Variants in ELF1 observed in about 807,000 individuals in gnomAD.
The protein encoded by ELF1 is ETS-related transcription factor Elf-1.
Under a neutral mutation model 59.9 loss-of-function variants are expected in ELF1, and 24 were observed. That is an observed-to-expected ratio of 0.40 (90% CI 0.29 to 0.56). The LOEUF (loss-of-function observed/expected upper bound fraction) is 0.56. Among genes scored for constraint, ELF1 ranks in the 20% least tolerant of loss-of-function variants. The pLI, the probability that ELF1 is intolerant of heterozygous loss-of-function variation, is 0.44. For missense variants in ELF1, 627 were observed against 742.2 expected (o/e 0.84, Z 1.80); for synonymous variants, 248 against 266.2 (o/e 0.93, Z 0.67).
intron 1 of ELF1, among the ~76,000 whole-genome samples, chr13:40,995,795 T>C (rs896145881): frequency 6.6e-6 from 1 of 152,112 alleles, no homozygotes; most frequent in Non-Finnish European, 1.5e-5. Flanking sequence ...AAAATCTAGA[T>C]GCATGTGGGT....
At chr13:41,053,763 C>G (rs769721226) in intron 1 of ELF1, among the ~76,000 whole-genome samples, 6 of 152,202 alleles carry the variant, frequency 3.9e-5, no homozygotes, top group Non-Finnish European at 8.8e-5. Context: ...ATTTCACAAT[C>G]ACCATTTTAT....
intron 1 of ELF1, among the ~76,000 whole-genome samples, chr13:40,991,003 C>A (rs952206318): frequency 1.3e-5 from 2 of 152,100 alleles, no homozygotes; most frequent in African/African-American, 4.8e-5. Flanking sequence ...ATGGCATATA[C>A]CTTTGATATC....
intron 2 of ELF1, among the ~76,000 whole-genome samples, chr13:40,981,351 G>A (rs563579724): frequency 6.6e-4 from 101 of 152,078 alleles, no homozygotes; most frequent in Admixed American, 3.6e-3. Context: ...TGTGTTGTGG[G>A]GAGGGGGGAA....
At chr13:41,041,812 G>C (rs1284062936) in intron 1 of ELF1, among the ~76,000 whole-genome samples, 1 of 152,130 alleles carries the variant, frequency 6.6e-6, no homozygotes, top group Non-Finnish European at 1.5e-5. Flanking sequence ...GTGGACTCAA[G>C]ATTCTCTATT....
At chr13:40,962,080 T>C (rs938107272) in intron 2 of ELF1, among the ~76,000 whole-genome samples, 3 of 152,242 alleles carry the variant, frequency 2.0e-5, no homozygotes, top group African/African-American at 4.8e-5. Flanking sequence ...CCTGTTCTAC[T>C]AACCAGTAGT....
intron 1 of ELF1, among the ~76,000 whole-genome samples, chr13:40,986,249 G>A (rs1281874878): frequency 6.6e-6 from 1 of 152,200 alleles, no homozygotes; most frequent in Non-Finnish European, 1.5e-5. Flanking sequence ...GACTGGACAA[G>A]TTACTTGCTT....
chr13:41,031,100 A>C (rs1217306312), intron 1 of ELF1, among the ~76,000 whole-genome samples: 2 of 151,856 alleles, frequency 1.3e-5, no homozygotes, highest in Non-Finnish European at 2.9e-5. Flanking sequence ...TTGAGGCTGC[A>C]GTAAGCCATA....
rs9566640 is a variant in ELF1, at chr13:40,972,135, T to C, written c.72+9848A>G. Among the ~76,000 whole-genome samples, 392 of 152,258 alleles carry C rather than the reference T, an allele frequency of 2.6e-3. 5 individuals carry two copies. In the East Asian group the frequency reaches 0.05, roughly 19 times the overall value. On this transcript the variant is annotated intron_variant, in intron 2 of 8. Coordinates refer to ENST00000239882, the MANE Select transcript of ELF1 (RefSeq NM_172373.4). Reference sequence around the variant, plus strand: ...ATTTCTGCTATGAAAAGATGGACTTTGACAAGAATCTTATACAATATGTAC... The same window carrying C: ...ATTTCTGCTATGAAAAGATGGACTTCGACAAGAATCTTATACAATATGTAC...
chr13:41,033,195 T>C (rs1040917686), intron 1 of ELF1, among the ~76,000 whole-genome samples: 16 of 152,220 alleles, frequency 1.1e-4, no homozygotes, highest in African/African-American at 3.9e-4. Context: ...TGTAGCCTCA[T>C]GATTAAGAAC....
At chr13:41,021,879 A>G (rs1416066702), upstream of ELF1, among the ~76,000 whole-genome samples, 1 of 152,226 alleles carries the variant, frequency 6.6e-6, no homozygotes, top group Non-Finnish European at 1.5e-5. Flanking sequence ...TGACACCACC[A>G]CAACAAAACA....
intron 1 of ELF1, among the ~76,000 whole-genome samples, chr13:41,017,945 G>T (rs879912480): frequency 4.6e-5 from 7 of 152,146 alleles, no homozygotes; most frequent in South Asian, 4.1e-4. Flanking sequence ...TAAAATGTCC[G>T]CTGTGTCTTT....
intron 6 of ELF1, 46 bp from the exon 7 acceptor site, chr13:40,943,190 A>C: frequency 2.8e-6 from 4 of 1,427,928 alleles, no homozygotes; most frequent in Non-Finnish European, 3.7e-6. Context: ...ATTTCATTTA[A>C]AAGAACCTCA....
exon 1 of ELF1, chr13:41,060,944 C>T (rs9566681): frequency 0.094 from 24,689 of 262,326 alleles, 2,676 homozygotes; most frequent in African/African-American, 0.28. Context: ...CCGCCGCCGC[C>T]GCTGCTGCTG....
At chr13:40,949,520 AT>A (rs1303601500) in intron 5 of ELF1, among the ~76,000 whole-genome samples, 4 of 151,350 alleles carry the variant, frequency 2.6e-5, no homozygotes, top group Admixed American at 2.6e-4. Flanking sequence ...TGCCCAGCTA[AT>A]TCTTAAAATT....
rs188724296 is a variant in ELF1, at chr13:41,040,119, C to T, written c.-229+20719G>A. Among the ~76,000 whole-genome samples the T allele has an allele frequency of 4.9e-3, 743 of 152,220 alleles. 22 individuals carry two copies. Among genetic ancestry groups the T allele is most frequent in the Admixed American group, 0.047 (717 of 15,286 alleles). On this transcript the variant is annotated intron_variant, in intron 1 of 1. Coordinates refer to the ELF1 transcript ENST00000405737. ...ACTTCACAACCAAAAGACTTTAATGCCTCTATCTTTTTATCTAGCAGTTTC... is the reference window on the plus strand; with the variant it reads ...ACTTCACAACCAAAAGACTTTAATGTCTCTATCTTTTTATCTAGCAGTTTC...
exon 1 of ELF1, chr13:41,060,908 T>TGCCGCCGCCGCCGCCGCCGCCGCC (rs1157339207): frequency 3.6e-6 from 1 of 275,332 alleles, no homozygotes; most frequent in Non-Finnish European, 6.8e-6. Context: ...CTACTGAAGC[T>TGCCGCCGCCGCCGCCGCCGCCGCC]GCTGCTGCCG....
At chr13:41,010,512 C>T (rs78095126) in intron 1 of ELF1, among the ~76,000 whole-genome samples, 12,863 of 129,948 alleles carry the variant, frequency 0.099, 715 homozygotes, top group Middle Eastern at 0.17. Flanking sequence ...TGTGTGTGTG[C>T]ACACTTTCCT....
intron 1 of ELF1, among the ~76,000 whole-genome samples, chr13:41,042,830 G>C (rs1459502434): frequency 2.6e-5 from 4 of 152,188 alleles, no homozygotes; most frequent in Non-Finnish European, 5.9e-5. Flanking sequence ...ACCCTGTAAT[G>C]GGATGGCTGG....
intron 1 of ELF1, among the ~76,000 whole-genome samples, chr13:41,051,247 A>G (rs1449509338): frequency 6.6e-6 from 1 of 151,858 alleles, no homozygotes; most frequent in Non-Finnish European, 1.5e-5. Flanking sequence ...AGGCATTCCC[A>G]CTCATATCTG....
Sources: allele counts gnomAD v4.1 joint callset (sites outside exome capture counted in the v4.1 genomes callset), GRCh38; gene constraint gnomAD v4.1.1; transcripts MANE v1.5; gene names NCBI Gene and HGNC (gene_info 2026-07-23, HGNC 2026-07-21).